The following ITPR3 variants were observed in gnomAD, a reference collection of about 807,000 sequenced individuals.
ITPR3 encodes the protein inositol 1,4,5-trisphosphate-gated calcium channel ITPR3.
ITPR3 carries 173 observed loss-of-function variants against 293.2 expected under a neutral mutation model. The ratio of observed to expected loss-of-function variants is 0.59; its 90% CI spans 0.52 to 0.67. The LOEUF (loss-of-function observed/expected upper bound fraction) is 0.67, where lower values mean the gene tolerates loss of function less well. Ranked by LOEUF, ITPR3 falls within the 30% of genes least tolerant of loss-of-function variation. The probability of loss-of-function intolerance (pLI) is 0.00; values close to 1 mark genes in which losing one functional copy is unlikely to be tolerated. For synonymous variants in ITPR3, 1,295 were observed against 1,444.4 expected (o/e 0.90, Z 2.35); for missense variants, 2,796 against 3,592.1 (o/e 0.78, Z 5.66).
chr6:33,674,895 C>T (rs1014767840), intron 24 of ITPR3, among the ~76,000 whole-genome samples: 7 of 152,088 alleles, frequency 4.6e-5, no homozygotes, highest in African/African-American at 9.7e-5. Flanking sequence ...AAGGCAGCGA[C>T]GAATATAAAC....
At chr6:33,636,056 G>A (rs1467973528) in intron 1 of ITPR3, among the ~76,000 whole-genome samples, 1 of 148,370 alleles carries the variant, frequency 6.7e-6, no homozygotes, top group Admixed American at 6.8e-5. Context: ...GGAGGCCGAT[G>A]CAGGTGGATC....
Position 33,667,215 on chromosome 6 carries a change from C to A in ITPR3, c.1638C>A (p.Asn546Lys). ...VRLEELSDQK[N>K]APYQHMFRLC... is the part of the protein sequence containing the mutation. Reference sequence around the variant, plus strand: ...TGGAGGAGCTGTCAGACCAGAAGAACGCCCCCTACCAGCACATGTTCCGCC... The same window carrying A: ...TGGAGGAGCTGTCAGACCAGAAGAAAGCCCCCTACCAGCACATGTTCCGCC... The change falls in exon 15 of 58, where the codon AAC becomes AAA. Residue 546 changes from asparagine (N) to lysine (K), a missense_variant. Around this residue, in one of 8 missense-constraint regions of ITPR3, gnomAD observed 955 missense variants for 1,180.8 expected, o/e 0.81. Transcript: ENST00000605930. The surrounding 1 kb of genome is among the most constrained non-coding windows in gnomAD (Gnocchi z 4.4). 1 of 1,614,040 alleles carries A rather than the reference C, an allele frequency of 6.2e-7. No individual in the cohort carries two copies. The highest frequency in any genetic ancestry group is 8.5e-7 in the Non-Finnish European group (1 of 1,180,008).
In ITPR3 at chr6:33,680,584, T is replaced by C. The variant is rs748205080; in HGVS notation, c.4380T>C (p.Ala1460=). ...RVCSKREKRV[A]DPTLEKYVLS... is the part of the protein sequence containing the mutation. ...GCAGCAAGCGTGAGAAGCGCGTGGC[T>C]GACCCCACCTTGGAGAAGTACGTGC... The change falls in exon 33 of 58, where the codon GCT becomes GCC. Residue 1460 remains alanine, a synonymous_variant. Coordinates refer to ENST00000605930, the MANE Select transcript of ITPR3 (RefSeq NM_002224.4). 2.5e-6 allele frequency: 4 copies of C among 1,613,990 alleles called. No homozygotes were observed.
rs374960336 is a variant in ITPR3 at position 33,677,535 on chromosome 6, T to C, written c.3554T>C (p.Val1185Ala). 5 of 1,613,764 alleles carry C rather than the reference T, an allele frequency of 3.1e-6. No homozygotes were observed. The African/African-American group carries it at 5.3e-5, about 17-fold the overall frequency. Reference protein sequence around the residue: ...ILERLNKMCGVGEQMRKKQQR... With the variant: ...ILERLNKMCGAGEQMRKKQQR... ...GAAAGGCTGAACAAGATGTGCGGGG[T>C]TGGGGAGCAAATGAGGAAGAAGCAG... Residue 1185 changes from valine to alanine, a missense_variant, in exon 28 of 58, where the codon GTT (valine) becomes GCT (alanine). Val to Ala is a moderately conservative substitution (Grantham distance 64). Coordinates refer to ENST00000605930, the MANE Select transcript of ITPR3 (RefSeq NM_002224.4).
In ITPR3 at chr6:33,671,061, C is replaced by T. The variant is rs2127283946; in HGVS notation, c.2587-104C>T. 5 of 1,538,812 alleles carry T rather than the reference C, an allele frequency of 3.2e-6. 1 individual carries two copies. The South Asian group carries it at 3.7e-5, about 11-fold the overall frequency. Reference sequence around the variant, plus strand: ...CCTCCTGGGAACCCCGTCCTCATGACGCCCCTTTCGCCCTAGTTTCCCCAG... The same window carrying T: ...CCTCCTGGGAACCCCGTCCTCATGATGCCCCTTTCGCCCTAGTTTCCCCAG... On this transcript the variant is annotated intron_variant, in intron 20 of 57. Coordinates refer to ENST00000605930, the MANE Select transcript of ITPR3 (RefSeq NM_002224.4).
Position 33,621,503 on chromosome 6 carries a change from G to A in ITPR3, c.-100G>A. 2 of 807,786 alleles carry A rather than the reference G, an allele frequency of 2.5e-6. No homozygotes were observed. The highest frequency in any genetic ancestry group is 1.8e-5 in the African/African-American group (1 of 55,312). The allele number at this position is 807,786 out of a possible 1,614,324, so 50.0% of individuals were successfully genotyped here. A position where few individuals can be genotyped will look rare whatever the true frequency, so the allele number is the denominator to read the frequency against. On this transcript the variant is annotated 5_prime_UTR_variant, in exon 1 of 58. Coordinates refer to ENST00000605930, the MANE Select transcript of ITPR3 (RefSeq NM_002224.4). This position sits in a 1 kb window ranked among gnomAD's most constrained non-coding sequence, Gnocchi z 7.7. Reference sequence around the variant, plus strand: ...GAGCGTCGGGATCCGAGGTGGGAGCGTACCCCTCCCCGCTCCCCGGACGCC... The same window carrying A: ...GAGCGTCGGGATCCGAGGTGGGAGCATACCCCTCCCCGCTCCCCGGACGCC...
At chr6:33,674,975 C>T (rs1421977643) in intron 24 of ITPR3, among the ~76,000 whole-genome samples, 2 of 152,192 alleles carry the variant, frequency 1.3e-5, no homozygotes, top group East Asian at 3.9e-4. Flanking sequence ...GACAGACTTA[C>T]AGGTGCCACA....
At chr6:33,677,692 T>C in intron 28 of ITPR3, 63 bp downstream of exon 28, 1 of 1,583,334 alleles carries the variant, frequency 6.3e-7, no homozygotes, top group Non-Finnish European at 8.6e-7. Flanking sequence ...CGGCCTGACC[T>C]GTATGCTAGG....
At chr6:33,648,021 G>A (rs984904250) in intron 2 of ITPR3, among the ~76,000 whole-genome samples, 6 of 151,098 alleles carry the variant, frequency 4.0e-5, no homozygotes, top group Non-Finnish European at 7.4e-5. Flanking sequence ...TCTTCTGCTA[G>A]CTACCCCTGT....
At chr6:33,690,234 G>A (rs1440131166) in intron 51 of ITPR3, 36 bp downstream of exon 51, 8 of 1,589,690 alleles carry the variant, frequency 5.0e-6, no homozygotes, top group South Asian at 1.1e-5. Context: ...CTGGATGGGG[G>A]CATGGGGTGG....
At chr6:33,631,424 G>A (rs928282320) in intron 1 of ITPR3, among the ~76,000 whole-genome samples, 2 of 152,164 alleles carry the variant, frequency 1.3e-5, no homozygotes, top group African/African-American at 4.8e-5. Context: ...AGGATAGGCG[G>A]CCCTTCCCTT....
At chr6:33,669,216 CGT>C in intron 18 of ITPR3, 60 bp downstream of exon 18, 1 of 1,536,322 alleles carries the variant, frequency 6.5e-7, no homozygotes, top group Non-Finnish European at 8.9e-7. Flanking sequence ...CTCAGTAGGC[CGT>C]CAGTCAATCC....
chr6:33,687,320 C>A lies in ITPR3; in HGVS notation c.6170C>A (p.Ala2057Glu). ...REVGHNIYIL[A>E]LQLSRHNKQL... The stretch of plus-strand genomic sequence containing the variant: ...GTGGGCCATAACATCTATATCCTGG[C>A]GCTGCAGGTACCAGTTCCACCCGTG... The change falls in exon 45 of 58, where the codon GCG becomes GAG. Residue 2057 changes from alanine (A) to glutamate (E), a missense_variant. Ala to Glu is a moderately radical substitution (Grantham distance 107). Coordinates refer to ENST00000605930, the MANE Select transcript of ITPR3 (RefSeq NM_002224.4). The surrounding 1 kb of genome is among the most constrained non-coding windows in gnomAD (Gnocchi z 5.3). 1 of 1,607,302 alleles carries A rather than the reference C, an allele frequency of 6.2e-7. No homozygotes were observed.
At chr6:33,652,832 CA>C (rs1466507935) in intron 2 of ITPR3, among the ~76,000 whole-genome samples, 1 of 151,944 alleles carries the variant, frequency 6.6e-6, no homozygotes, top group South Asian at 2.1e-4. Flanking sequence ...AGCCTGGAGC[CA>C]GGGGGAGGGA....
In ITPR3 at chr6:33,680,225, G is replaced by A. The variant is rs1167659622; in HGVS notation, c.4224+92G>A. 5 of 1,576,262 alleles carry A rather than the reference G, an allele frequency of 3.2e-6. No homozygotes were observed. The Admixed American group carries it at 6.9e-5, about 22-fold the overall frequency. On this transcript the variant is annotated intron_variant, in intron 31 of 57. Transcript: ENST00000605930. ...AGGAAGAGTGGGTGAAGCAAAGCCA[G>A]GGAAGTGGGCAGGAACCGGAGGCCA...
At position 33,688,384 on chromosome 6, in the gene ITPR3, A is replaced by G; in HGVS notation, c.6521A>G (p.Gln2174Arg). 6.9e-7 allele frequency: 1 copy of G among 1,439,562 alleles called. No homozygotes were observed. Among genetic ancestry groups the G allele is most frequent in the Middle Eastern group, 1.9e-4 (1 of 5,182 alleles). The allele number at this position is 1,439,562 out of a possible 1,614,324, so 89.2% of individuals were successfully genotyped here. Residue 2174 changes from glutamine to arginine, a missense_variant, in exon 48 of 58, where the codon CAG becomes CGG. By Grantham distance (43) the Gln-to-Arg change is conservative. Around this residue, in one of 8 missense-constraint regions of ITPR3, gnomAD observed 568 missense variants for 796.1 expected, o/e 0.71. Coordinates refer to ENST00000605930, the MANE Select transcript of ITPR3 (RefSeq NM_002224.4). ...QGSKVSDFFD[Q>R]SSFLHNEMEW... ...AGCAAAGTGAGCGACTTCTTCGACC[A>G]GTCCTCCTTCCTGCACAACGAGATG...
intron 7 of ITPR3, among the ~76,000 whole-genome samples, chr6:33,661,007 T>A (rs1038908610): frequency 6.6e-6 from 1 of 152,128 alleles, no homozygotes; most frequent in African/African-American, 2.4e-5. Context: ...GTGGTCTACA[T>A]AGAATTATTT....
Position 33,695,842 on chromosome 6 carries a change from C to T in ITPR3, c.*62C>T, listed in dbSNP as rs2229645. The T allele has an allele frequency of 1.2e-4, 187 of 1,536,362 alleles. 1 individual carries two copies. In the East Asian group the frequency reaches 3.7e-3, roughly 31 times the overall value. ...CACTGGAGACTGCGACTGGGAAGAA[C>T]ACTGCCCCCTCCCTCGGGTTGGGTG... On this transcript the variant is annotated 3_prime_UTR_variant, in exon 58 of 58. Coordinates refer to ENST00000605930, the MANE Select transcript of ITPR3 (RefSeq NM_002224.4).
intron 48 of ITPR3, 100 bp from the exon 49 acceptor site, chr6:33,688,556 T>C: frequency 6.5e-7 from 1 of 1,550,326 alleles, no homozygotes; most frequent in East Asian, 2.3e-5. Flanking sequence ...AAGGAAGGGC[T>C]CTTCCATGTG....
Sources: gnomAD v4.1 joint callset for allele counts (sites outside exome capture counted in the v4.1 genomes callset) on GRCh38, gnomAD v4.1.1 for gene constraint, gnomAD v4.1.1 regional missense constraint, Gnocchi (gnomAD v3.1) non-coding constraint, MANE v1.5 for transcripts, NCBI Gene and HGNC (gene_info 2026-07-23, HGNC 2026-07-21) for gene names.